The following LPCAT2 variants were observed in gnomAD, a reference collection of about 807,000 sequenced individuals.
The protein encoded by LPCAT2 is 1-AGP acyltransferase 11.
In LPCAT2, 58 loss-of-function variants were observed where a neutral mutation model predicts 64.7. The ratio of observed to expected loss-of-function variants is 0.90; its 90% confidence interval spans 0.73 to 1.12. The LOEUF (loss-of-function observed/expected upper bound fraction) is 1.12. Ranked by LOEUF, LPCAT2 falls within the 50% of genes most tolerant of loss-of-function variation. LPCAT2 has a pLI of 0.00. For synonymous variants in LPCAT2, 252 were observed against 245.3 expected, an observed-to-expected ratio of 1.03 and a Z score of -0.26; for missense variants, 579 against 669.8, an observed-to-expected ratio of 0.86 and a Z score of 1.50.
At chr16:55,565,200 G>A (rs1963679379) in intron 11 of LPCAT2, among the ~76,000 whole-genome samples, 1 of 127,426 alleles carries the variant, frequency 7.8e-6, no homozygotes, top group Non-Finnish European at 1.9e-5. Flanking sequence ...AAACAAAAGA[G>A]AAAATAACAA....
At chr16:55,537,859 C>A (rs1360514936) in intron 8 of LPCAT2, among the ~76,000 whole-genome samples, 5 of 152,226 alleles carry the variant, frequency 3.3e-5, no homozygotes, top group African/African-American at 1.2e-4. Context: ...AGGGGCATCA[C>A]CTTGCTCTCA....
chr16:55,520,337 C>A (rs147768648), intron 1 of LPCAT2, among the ~76,000 whole-genome samples: 1 of 152,002 alleles, frequency 6.6e-6, no homozygotes, highest in Non-Finnish European at 1.5e-5. Context: ...CTTAGCAGCA[C>A]TTAATGTTTA....
In LPCAT2 at chr16:55,528,524, T is replaced by A; in HGVS notation, c.459T>A (p.Ile153=). ...AAPHSTFFDG[I]ACVVAGLPSM... ...CTCATTCAACATTCTTTGATGGAAT[T>A]GCCTGTGTTGTAGCTGGGTTACCTT... Residue 153 remains isoleucine (I), a synonymous_variant, in exon 3 of 14, where the codon ATT becomes ATA. Transcript: ENST00000262134. 6.2e-7 allele frequency: 1 copy of A among 1,614,040 alleles called. No homozygotes were observed. Among genetic ancestry groups the A allele is most frequent in the South Asian group, 1.1e-5 (1 of 91,080 alleles).
chr16:55,537,367 G>A (rs1338017087), intron 7 of LPCAT2, among the ~76,000 whole-genome samples: 2 of 151,122 alleles, frequency 1.3e-5, no homozygotes, highest in African/African-American at 4.9e-5. Context: ...CTCCAGACTG[G>A]GTGACGGAGT....
chr16:55,527,274 A>C (rs573282250), intron 2 of LPCAT2, among the ~76,000 whole-genome samples: 1 of 152,234 alleles, frequency 6.6e-6, no homozygotes, highest in South Asian at 2.1e-4. Context: ...ACTTGAGGTC[A>C]GGAGTTCAAG....
chr16:55,534,859 T>C (rs1963304313), intron 7 of LPCAT2, among the ~76,000 whole-genome samples: 1 of 152,176 alleles, frequency 6.6e-6, no homozygotes, highest in African/African-American at 2.4e-5. Flanking sequence ...GTTTAAGCCA[T>C]TCAGAAAAAT....
chr16:55,527,372 C>T lies in LPCAT2; in HGVS notation c.312-1005C>T, dbSNP rs376337843. Among the ~76,000 whole-genome samples the T allele has an allele frequency of 3.5e-3, 522 of 150,864 alleles. 4 individuals are homozygous for T. The highest frequency in any genetic ancestry group is 8.0e-3 in the South Asian group (38 of 4,764). On this transcript the variant is annotated intron_variant, in intron 2 of 13. Coordinates refer to ENST00000262134, the MANE Select transcript of LPCAT2 (RefSeq NM_017839.5). ...GTGGGCGCCTGTAATCCCAGCTACT[C>T]GAGAGACTGAGGCAGGAGAATCGCT...
At chr16:55,557,929 A>C (rs1160727639) in intron 11 of LPCAT2, among the ~76,000 whole-genome samples, 1 of 152,200 alleles carries the variant, frequency 6.6e-6, no homozygotes, top group Non-Finnish European at 1.5e-5. Context: ...AGGCCCAACA[A>C]AAATGTGGTA....
chr16:55,566,851 G>C, intron 11 of LPCAT2: 1 of 1,613,904 alleles, frequency 6.2e-7, no homozygotes, highest in Non-Finnish European at 8.5e-7. Flanking sequence ...AGAAGAGAAG[G>C]AGGAGGAAGA....
intron 1 of LPCAT2, among the ~76,000 whole-genome samples, 194 bp from the exon 2 acceptor site, chr16:55,525,314 G>A (rs1963154398): frequency 6.6e-6 from 1 of 152,104 alleles, no homozygotes; most frequent in African/African-American, 2.4e-5. Flanking sequence ...TTGCTACACA[G>A]TAGGCTTTGT....
intron 9 of LPCAT2, among the ~76,000 whole-genome samples, chr16:55,548,245 C>T (rs1428743555): frequency 5.3e-5 from 8 of 151,254 alleles, no homozygotes; most frequent in African/African-American, 1.5e-4. Flanking sequence ...TTTTGGTATT[C>T]GGTGTTTTTC....
chr16:55,560,148 A>G (rs1187376538), intron 11 of LPCAT2, among the ~76,000 whole-genome samples: 1 of 152,146 alleles, frequency 6.6e-6, no homozygotes, highest in East Asian at 1.9e-4. Flanking sequence ...TAAAAAGAAA[A>G]TTGTGTCAGA....
chr16:55,564,687 G>A (rs1191575139), intron 11 of LPCAT2, among the ~76,000 whole-genome samples: 1 of 151,872 alleles, frequency 6.6e-6, no homozygotes, highest in Non-Finnish European at 1.5e-5. Flanking sequence ...ATATACAAAA[G>A]TTAACTCAAA....
intron 11 of LPCAT2, among the ~76,000 whole-genome samples, chr16:55,560,370 C>T (rs944177464): frequency 1.3e-4 from 20 of 152,058 alleles, no homozygotes; most frequent in Non-Finnish European, 1.3e-4. Context: ...AGTTGTGAGT[C>T]CTTCTGTGTT....
At chr16:55,529,781 GT>G in intron 3 of LPCAT2, 53 bp from the exon 4 acceptor site, 2 of 916,458 alleles carry the variant, frequency 2.2e-6, no homozygotes, top group Non-Finnish European at 3.4e-6. Context: ...TATTATTGCT[GT>G]GGTTGCTTTA....
At position 55,583,843 on chromosome 16, in the gene LPCAT2, C is replaced by T. The variant is rs371561202; in HGVS notation, c.*745C>T. ...GATTACAGGTGCCCACCACCACACC[C>T]GACTAATTTTTGTATTTTTAGTAGC... On this transcript the variant is annotated 3_prime_UTR_variant, in exon 14 of 14. Transcript: ENST00000262134. The T allele has an allele frequency of 3.6e-3, 549 of 152,192 alleles. 3 individuals are homozygous for T. Among genetic ancestry groups the T allele is most frequent in the Non-Finnish European group, 5.8e-3 (397 of 68,058 alleles). The allele number at this position is 152,192 out of a possible 1,614,324, so 9.4% of individuals were successfully genotyped here.
chr16:55,522,936 A>G (rs1963118325), intron 1 of LPCAT2, among the ~76,000 whole-genome samples: 1 of 151,626 alleles, frequency 6.6e-6, no homozygotes, highest in African/African-American at 2.4e-5. Context: ...AGAATTAAAC[A>G]TAAAATAAAA....
At chr16:55,520,219 G>T (rs1279266388) in intron 1 of LPCAT2, among the ~76,000 whole-genome samples, 1 of 152,068 alleles carries the variant, frequency 6.6e-6, no homozygotes, top group Non-Finnish European at 1.5e-5. Context: ...AATAATGTAA[G>T]TGTAAGAAGC....
rs1963903818 is a variant in LPCAT2 at position 55,583,009 on chromosome 16, A to G, written c.1546A>G (p.Lys516Glu). 1.2e-6 allele frequency: 2 copies of G among 1,613,886 alleles called. No homozygotes were observed. Among genetic ancestry groups the G allele is most frequent in the Non-Finnish European group, 8.5e-7 (1 of 1,179,842 alleles). ...GACGTGCCATGTGTTTTCATTACCA[A>G]AAGAAGTCCAGACAACCCCCTCCAC... The part of the protein sequence containing the change: ...LQTCHVFSLP[K>E]EVQTTPSTAS... Residue 516 changes from lysine to glutamate, a missense_variant, in exon 14 of 14, where the codon AAA (lysine) becomes GAA (glutamate). By Grantham distance (56) the Lys-to-Glu change is moderately conservative. Coordinates refer to ENST00000262134, the MANE Select transcript of LPCAT2 (RefSeq NM_017839.5).
Sources: allele counts gnomAD v4.1 joint callset (sites outside exome capture counted in the v4.1 genomes callset), GRCh38; gene constraint gnomAD v4.1.1; transcripts MANE v1.5; gene names NCBI Gene and HGNC (gene_info 2026-07-23, HGNC 2026-07-21).